The following ANO4 variants were observed in gnomAD, a reference collection of about 807,000 sequenced individuals.
ANO4 encodes the protein anoctamin-4.
A neutral mutation model predicts 141.9 loss-of-function variants in ANO4; 69 were observed. The ratio of observed to expected loss-of-function variants is 0.49; its 90% CI spans 0.40 to 0.59. The LOEUF is 0.59. Ranked by LOEUF, ANO4 falls within the 20% of genes least tolerant of loss-of-function variation. The pLI is 0.00. For missense variants in ANO4, 894 were observed against 1,162.2 expected, an observed-to-expected ratio of 0.77 and a Z score of 3.36; for synonymous variants, 350 against 394.3, an observed-to-expected ratio of 0.89 and a Z score of 1.33.
At chr12:100,887,545 A>G (rs928982215) in intron 1 of ANO4, among the ~76,000 whole-genome samples, 1 of 151,542 alleles carries the variant, frequency 6.6e-6, no homozygotes, top group African/African-American at 2.4e-5. Context: ...TCTAAAACCC[A>G]AGAAGTATTG....
chr12:100,760,722 T>G (rs927861899), intron 3 of ANO4, among the ~76,000 whole-genome samples: 4 of 152,218 alleles, frequency 2.6e-5, no homozygotes, highest in African/African-American at 9.6e-5. Context: ...CATGTCAGTT[T>G]GCAGCTCCTC....
chr12:100,899,498 C>T (rs1035903576), intron 1 of ANO4, among the ~76,000 whole-genome samples: 6 of 152,208 alleles, frequency 3.9e-5, no homozygotes, highest in East Asian at 1.9e-4. Flanking sequence ...GGCGGTGCAA[C>T]TGGAATTCTT....
chr12:100,964,130 C>G (rs749541743), intron 5 of ANO4, among the ~76,000 whole-genome samples: 2 of 152,046 alleles, frequency 1.3e-5, no homozygotes, highest in Non-Finnish European at 2.9e-5. Flanking sequence ...TATAATTAAG[C>G]ATTCCTTCAA....
chr12:100,869,495 T>A (rs2038927628), intron 1 of ANO4, among the ~76,000 whole-genome samples: 1 of 152,196 alleles, frequency 6.6e-6, no homozygotes, highest in African/African-American at 2.4e-5. Flanking sequence ...TTTTCATATT[T>A]GTCCGTGTCT....
At chr12:100,862,153 C>G (rs903955660) in intron 1 of ANO4, among the ~76,000 whole-genome samples, 1 of 152,112 alleles carries the variant, frequency 6.6e-6, no homozygotes, top group African/African-American at 2.4e-5. Context: ...CCTCAAACAC[C>G]TGGGCTCAAG....
intron 18 of ANO4, 123 bp from the exon 19 acceptor site, chr12:101,096,413 G>T: frequency 2.9e-6 from 2 of 690,008 alleles, no homozygotes; most frequent in South Asian, 1.8e-5. Flanking sequence ...GGGTAAACTG[G>T]AGTCTCCTGC....
In ANO4 at chr12:101,116,714, T is replaced by C; in HGVS notation, c.2486T>C (p.Val829Ala). ...GGCTATGTGAATGCCAGCTTGTCTG[T>C]ATTTCGAATTTCTGACTTTGAGAAC... ...MVGYVNASLS[V>A]FRISDFENRS... The change falls in exon 25 of 28, where the codon GTA becomes GCA. Residue 829 changes from valine to alanine, a missense_variant. Around this residue, in one of 2 missense-constraint regions of ANO4, gnomAD observed 637 missense variants for 909.2 expected, o/e 0.70. Coordinates refer to ENST00000392977, the MANE Select transcript of ANO4 (RefSeq NM_001286615.2). The C allele has an allele frequency of 6.2e-7, 1 of 1,614,152 alleles. No individual in the cohort carries two copies. The highest frequency in any genetic ancestry group is 8.5e-7 in the Non-Finnish European group (1 of 1,180,026).
rs75337444 is a variant in ANO4 at position 100,743,149 on chromosome 12, G to A, written c.358+3044G>A. On this transcript the variant is annotated intron_variant, in intron 3 of 29. Coordinates refer to the ANO4 transcript ENST00000644049. The stretch of plus-strand genomic sequence containing the variant: ...CTAGTGGAGGAGGCAGACAAGTAAG[G>A]CAAGCATTCTGATTCAGTGTGGTGT... 5.0e-3 allele frequency among the ~76,000 whole-genome samples: 758 copies of A among 152,118 alleles called. 24 individuals are homozygous for A. In the East Asian group the frequency reaches 0.07, roughly 14 times the overall value.
chr12:100,932,571 A>G (rs553276014), intron 3 of ANO4, among the ~76,000 whole-genome samples: 12 of 152,302 alleles, frequency 7.9e-5, no homozygotes, highest in Non-Finnish European at 1.6e-4. Flanking sequence ...TAGGGTATTA[A>G]CAATAGCTAA....
chr12:100,989,736 TAGATGGATGGATATATGGATGG>T lies in ANO4; in HGVS notation c.734+2068_734+2089del, dbSNP rs1566096406. On this transcript the variant is annotated intron_variant, in intron 8 of 27. Transcript: ENST00000392977. The stretch of plus-strand genomic sequence containing the variant: ...ATCACCAGATGGATGGATGGGTGGA[TAGATGGATGGATATATGGATGG>T]ATGGATGGATGGATGGATGGATGGA... 8.7e-3 allele frequency among the ~76,000 whole-genome samples: 1,244 copies of T among 143,090 alleles called. 7 individuals carry two copies. The highest frequency in any genetic ancestry group is 9.3e-3 in the Non-Finnish European group (604 of 64,780). The allele number at this position is 143,090 out of a possible 152,430, so 93.9% of individuals were successfully genotyped here. A position where few individuals can be genotyped will look rare whatever the true frequency, so the allele number is the denominator to read the frequency against.
chr12:100,839,371 AT>A (rs2037115570), intron 1 of ANO4, among the ~76,000 whole-genome samples: 1 of 152,210 alleles, frequency 6.6e-6, no homozygotes, highest in Admixed American at 6.5e-5. Context: ...GTCACAATTT[AT>A]TTAGTAGATT....
At chr12:100,804,906 G>A (rs1443465745) in intron 1 of ANO4, among the ~76,000 whole-genome samples, 2 of 152,154 alleles carry the variant, frequency 1.3e-5, no homozygotes, top group Admixed American at 1.3e-4. Context: ...TAGGTTGTCT[G>A]TTTGCTCTGA....
chr12:101,090,270 A>G (rs963832739), intron 17 of ANO4, among the ~76,000 whole-genome samples: 3 of 152,232 alleles, frequency 2.0e-5, no homozygotes, highest in Admixed American at 6.5e-5. Context: ...AGGATTATAA[A>G]TCATGCTGCT....
intron 8 of ANO4, among the ~76,000 whole-genome samples, chr12:100,992,465 A>G (rs2045179285): frequency 6.6e-6 from 1 of 151,902 alleles, no homozygotes; most frequent in African/African-American, 2.4e-5. Context: ...TTCCTTCTTC[A>G]TGTAGTATGC....
intron 3 of ANO4, among the ~76,000 whole-genome samples, chr12:100,934,145 T>C (rs1206308190): frequency 6.6e-6 from 1 of 152,214 alleles, no homozygotes; most frequent in African/African-American, 2.4e-5. Context: ...CCATTGCTTT[T>C]GGTGTTTTAA....
rs572156529 is a variant in ANO4, at chr12:100,987,868, C to T, written c.734+198C>T. ...GCTGTAACCAACAATCCCTGCATCTCAGTGGCTTAAGATGATACAATGCTT... is the reference window on the plus strand; with the variant it reads ...GCTGTAACCAACAATCCCTGCATCTTAGTGGCTTAAGATGATACAATGCTT... On this transcript the variant is annotated intron_variant, in intron 8 of 27. Coordinates refer to ENST00000392977, the MANE Select transcript of ANO4 (RefSeq NM_001286615.2). Among the ~76,000 whole-genome samples the T allele has an allele frequency of 1.2e-4, 19 of 152,294 alleles. No individual in the cohort carries two copies. The South Asian group carries it at 3.9e-3, about 32-fold the overall frequency.
At chr12:101,015,883 A>T (rs1327040312) in intron 8 of ANO4, among the ~76,000 whole-genome samples, 1 of 152,162 alleles carries the variant, frequency 6.6e-6, no homozygotes, top group Admixed American at 6.6e-5. Flanking sequence ...AGAGAGAGAG[A>T]GACTTCATTT....
intron 10 of ANO4, among the ~76,000 whole-genome samples, chr12:101,039,372 G>T (rs1418564199): frequency 6.6e-6 from 1 of 152,208 alleles, no homozygotes; most frequent in Non-Finnish European, 1.5e-5. Flanking sequence ...GTGCATGGTG[G>T]CACATGCCTA....
chr12:100,788,945 G>T (rs1173118539), intron 3 of ANO4, among the ~76,000 whole-genome samples: 1 of 152,082 alleles, frequency 6.6e-6, no homozygotes, highest in Admixed American at 6.5e-5. Flanking sequence ...AGCCATTCCA[G>T]GATCTAAGGA....
Sources: gnomAD v4.1 joint callset for allele counts (sites outside exome capture counted in the v4.1 genomes callset) on GRCh38, gnomAD v4.1.1 for gene constraint, gnomAD v4.1.1 regional missense constraint, MANE v1.5 for transcripts, NCBI Gene and HGNC (gene_info 2026-07-23, HGNC 2026-07-21) for gene names.